GNL2: variants seen among roughly 807,000 people sequenced by gnomAD.
GNL2 encodes nucleolar GTP-binding protein 2.
A neutral mutation model predicts 92.3 loss-of-function variants in GNL2; 51 were observed. The ratio of observed to expected loss-of-function variants is 0.55; its 90% CI spans 0.44 to 0.70. GNL2 has a LOEUF of 0.70. Among genes scored for constraint, GNL2 ranks in the 30% least tolerant of loss-of-function variants. The pLI, the probability that GNL2 is intolerant of heterozygous loss-of-function variation, is 0.00. For missense variants in GNL2, 844 were observed against 895.6 expected (o/e 0.94, Z 0.74); for synonymous variants, 283 against 300.6 (o/e 0.94, Z 0.61).
At position 37,568,956 on chromosome 1, in the gene GNL2, T is replaced by C; in HGVS notation, c.1763A>G (p.Asn588Ser). ...AACGGCTTTGGTGTCGTTTCCCACATTTTCCTCCTCAGGCTCCGAGGAAGA... is the reference window on the plus strand; with the variant it reads ...AACGGCTTTGGTGTCGTTTCCCACACTTTCCTCCTCAGGCTCCGAGGAAGA... ...EESSSEPEEE[N>S]VGNDTKAVIK... Residue 588 changes from asparagine to serine, a missense_variant, in exon 13 of 16, where the codon AAT becomes AGT. By Grantham distance (46) the Asn-to-Ser change is conservative (BLOSUM62 1). Transcript: ENST00000373062. 6.2e-7 allele frequency: 1 copy of C among 1,614,040 alleles called. No homozygotes were observed. Among genetic ancestry groups the C allele is most frequent in the Non-Finnish European group, 8.5e-7 (1 of 1,179,890 alleles).
At chr1:37,595,613 T>C in intron 1 of GNL2, 146 bp downstream of exon 1, 1 of 711,460 alleles carries the variant, frequency 1.4e-6, no homozygotes, top group South Asian at 1.7e-5. Context: ...GCTTTCCTTT[T>C]TCCCTTTTCA....
rs745532247 is a variant in GNL2 at position 37,566,870 on chromosome 1, G to C, written c.2181C>G (p.Phe727Leu). The change falls in exon 16 of 16, where the codon TTC becomes TTG. Residue 727 changes from phenylalanine to leucine, a missense_variant. Coordinates refer to ENST00000373062, the MANE Select transcript of GNL2 (RefSeq NM_013285.3). ...CTTTTAAACATTACTGCTTTTGTCT[G>C]AATTTTTTGCGTTTGTGTTTCTGTC... is the stretch of plus-strand genomic sequence containing the variant. ...SEGQKHKRKK[F>L]RQKQ 1 of 1,613,216 alleles carries C rather than the reference G, an allele frequency of 6.2e-7. No homozygotes were observed. Among genetic ancestry groups the C allele is most frequent in the South Asian group, 1.1e-5 (1 of 90,710 alleles).
intron 8 of GNL2, among the ~76,000 whole-genome samples, chr1:37,578,822 A>C (rs1321330851): frequency 6.6e-6 from 1 of 152,122 alleles, no homozygotes; most frequent in African/African-American, 2.4e-5. Flanking sequence ...ATCCTCCCAA[A>C]GTGGTGGGAT....
rs764006090 is a variant in GNL2, at chr1:37,582,918, C to G, written c.655G>C (p.Val219Leu). ...CTAGCATCAAGAACTTGAACTACAACATCTGATGAATCTATCACCTGAAAA... is the reference window on the plus strand; with the variant it reads ...CTAGCATCAAGAACTTGAACTACAAGATCTGATGAATCTATCACCTGAAAA... ...ELYKVIDSSD[V>L]VVQVLDARDP... is the part of the protein sequence containing the mutation. The change falls in exon 7 of 16, where the codon GTT becomes CTT. Residue 219 changes from valine (V) to leucine (L), a missense_variant. Physicochemically the swap from Val to Leu is conservative, Grantham distance 32 (BLOSUM62 1). Coordinates refer to ENST00000373062, the MANE Select transcript of GNL2 (RefSeq NM_013285.3). The G allele has an allele frequency of 1.2e-6, 2 of 1,612,182 alleles. No individual in the cohort carries two copies. The highest frequency in any genetic ancestry group is 8.5e-7 in the Non-Finnish European group (1 of 1,178,956).
rs772244867 is a variant in GNL2, at chr1:37,574,356, A to G, written c.1403T>C (p.Leu468Pro). 3.1e-6 allele frequency: 5 copies of G among 1,613,328 alleles called. No homozygotes were observed. The highest frequency in any genetic ancestry group is 2.7e-5 in the African/African-American group (2 of 74,912). ...CCCTGCTCTTACCTGGGGGGCCACA[A>G]GTGGCTCTGCATTGGGTGGCTTGAC... Reference protein sequence around the residue: ...FFVKPPNAEPLVAPQLLPSSS... With the variant: ...FFVKPPNAEPPVAPQLLPSSS... The change falls in exon 12 of 16, where the codon CTT becomes CCT. Residue 468 changes from leucine (L) to proline (P), a missense_variant. Coordinates refer to ENST00000373062, the MANE Select transcript of GNL2 (RefSeq NM_013285.3).
At chr1:37,589,830 C>CA (rs1190151669) in intron 4 of GNL2, among the ~76,000 whole-genome samples, 1 of 152,128 alleles carries the variant, frequency 6.6e-6, no homozygotes, top group Non-Finnish European at 1.5e-5. Flanking sequence ...CCAATGTGAC[C>CA]AGCACCCCTT....
At chr1:37,574,306 C>A (rs1418001004) in intron 12 of GNL2, 37 bp downstream of exon 12, 1 of 1,320,808 alleles carries the variant, frequency 7.6e-7, no homozygotes, top group Non-Finnish European at 1.1e-6. Flanking sequence ...TAGGTCAGGA[C>A]CCATGCTCCC....
Position 37,581,558 on chromosome 1 carries a change from T to C in GNL2, c.909+665A>G, listed in dbSNP as rs370572843. ...TCAGGTGCCAGGGCTGTGGCAGAAA[T>C]GGAAGCAACACTGGTCACGGATGGG... On this transcript the variant is annotated intron_variant, in intron 8 of 15. Transcript: ENST00000373062. 1.7e-3 allele frequency: 767 copies of C among 455,944 alleles called. 7 individuals carry two copies. The highest frequency in any genetic ancestry group is 8.0e-3 in the African/African-American group (402 of 50,176). 28.2% of individuals were successfully genotyped at this position (455,944 alleles called of 1,614,324 possible).
At chr1:37,578,566 T>C (rs1049044335) in intron 8 of GNL2, among the ~76,000 whole-genome samples, 3 of 149,530 alleles carry the variant, frequency 2.0e-5, no homozygotes, top group Middle Eastern at 3.4e-3. Flanking sequence ...GCCTTACTCT[T>C]TTTTTTTTTG....
At chr1:37,593,733 G>C in intron 2 of GNL2, 29 bp downstream of exon 2, 4 of 1,525,138 alleles carry the variant, frequency 2.6e-6, no homozygotes, top group Non-Finnish European at 3.6e-6. Context: ...TGAAGGAAAA[G>C]AGAAAGGATG....
rs999000161 is a variant in GNL2 at position 37,575,393 on chromosome 1, T to C, written c.1143+202A>G. On this transcript the variant is annotated intron_variant, in intron 10 of 15. Transcript: ENST00000373062. This position sits in a 1 kb window ranked among gnomAD's most constrained non-coding sequence, Gnocchi z 4.1. The stretch of plus-strand genomic sequence containing the variant: ...CTACAAACTCTTTTGTGGGATGATA[T>C]TGACCAGATATGCCCATGGTTCCAC... 2.6e-5 allele frequency among the ~76,000 whole-genome samples: 4 copies of C among 152,230 alleles called. No individual in the cohort carries two copies. The highest frequency in any genetic ancestry group is 5.9e-5 in the Non-Finnish European group (4 of 68,032).
At chr1:37,592,857 G>T in intron 2 of GNL2, 51 bp from the exon 3 acceptor site, 1 of 1,012,122 alleles carries the variant, frequency 9.9e-7, no homozygotes, top group Non-Finnish European at 1.6e-6. Context: ...AATGGCAACA[G>T]CGAAGTTTGA....
At chr1:37,595,685 C>T in intron 1 of GNL2, 74 bp downstream of exon 1, 2 of 1,254,208 alleles carry the variant, frequency 1.6e-6, no homozygotes, top group Non-Finnish European at 2.3e-6. Context: ...ACCCTCCTTC[C>T]CCTCCAGTGC....
chr1:37,576,681 G>T, intron 8 of GNL2, 125 bp from the exon 9 acceptor site: 1 of 837,846 alleles, frequency 1.2e-6, no homozygotes, highest in Non-Finnish European at 1.9e-6. Context: ...TTGATCTGAA[G>T]CCTAGATACA....
intron 5 of GNL2, among the ~76,000 whole-genome samples, chr1:37,586,097 CAAT>C (rs1643846687): frequency 1.3e-5 from 2 of 152,158 alleles, no homozygotes; most frequent in Admixed American, 6.5e-5. Flanking sequence ...AAATGTCCAA[CAAT>C]GAGACTGGCC....
intron 11 of GNL2, 28 bp downstream of exon 11, chr1:37,574,637 G>A: frequency 6.2e-7 from 1 of 1,606,596 alleles, no homozygotes; most frequent in Non-Finnish European, 8.5e-7. Context: ...ACAAGTATCA[G>A]TCTAAATTCT....
intron 12 of GNL2, among the ~76,000 whole-genome samples, chr1:37,573,686 T>C (rs1570052242): frequency 6.6e-6 from 1 of 152,250 alleles, no homozygotes; most frequent in African/African-American, 2.4e-5. Flanking sequence ...AAGATACAGG[T>C]ACCAGAAGAT....
At chr1:37,594,631 T>A (rs952404786) in intron 1 of GNL2, among the ~76,000 whole-genome samples, 2 of 152,110 alleles carry the variant, frequency 1.3e-5, no homozygotes, top group Non-Finnish European at 2.9e-5. Context: ...AACCTCCACC[T>A]CCCCGGTTCA....
intron 5 of GNL2, among the ~76,000 whole-genome samples, chr1:37,586,998 G>A (rs1484074950): frequency 6.6e-6 from 1 of 152,194 alleles, no homozygotes; most frequent in Admixed American, 6.5e-5. Flanking sequence ...CGGGTGCAGT[G>A]GCTCACACCT....
Sources: allele counts gnomAD v4.1 joint callset (sites outside exome capture counted in the v4.1 genomes callset), GRCh38; gene constraint gnomAD v4.1.1; non-coding constraint Gnocchi (gnomAD v3.1); transcripts MANE v1.5; gene names NCBI Gene and HGNC (gene_info 2026-07-23, HGNC 2026-07-21).